The following FGFR2 variants were observed in gnomAD, a reference collection of about 807,000 sequenced individuals.
The protein encoded by FGFR2 is fibroblast growth factor receptor 2, also known as BEK fibroblast growth factor receptor.
A neutral mutation model predicts 95.9 loss-of-function variants in FGFR2; 19 were observed. The ratio of observed to expected loss-of-function variants is 0.20; its 90% CI spans 0.14 to 0.29. The LOEUF (loss-of-function observed/expected upper bound fraction) is 0.29, where lower values mean the gene tolerates loss of function less well. Among genes scored for constraint, FGFR2 ranks in the 10% least tolerant of loss-of-function variants. FGFR2 has a pLI of 1.00. For synonymous variants in FGFR2, 392 were observed against 393.3 expected (o/e 1.00, Z 0.04); for missense variants, 707 against 1,056.9 (o/e 0.67, Z 4.59).
At chr10:121,564,384 A>T (rs1266651823) in intron 4 of FGFR2, 118 bp downstream of exon 4, 2 of 924,758 alleles carry the variant, frequency 2.2e-6, no homozygotes, top group Non-Finnish European at 3.6e-6. Flanking sequence ...ACAGCGGGGA[A>T]AGGCAAGGGC....
intron 15 of FGFR2, among the ~76,000 whole-genome samples, chr10:121,486,921 G>A (rs970405308): frequency 1.3e-5 from 2 of 152,196 alleles, no homozygotes; most frequent in African/African-American, 2.4e-5. Flanking sequence ...GAGGTCCCCA[G>A]CCTGGACCAC....
chr10:121,535,958 A>G (rs1167340933), intron 6 of FGFR2, among the ~76,000 whole-genome samples: 1 of 152,250 alleles, frequency 6.6e-6, no homozygotes, highest in Non-Finnish European at 1.5e-5. Flanking sequence ...CAATCTATGT[A>G]TCATAGAAAC....
rs538841660 is a variant in FGFR2, at chr10:121,513,166, G to A, written c.1287+1951C>T. On this transcript the variant is annotated intron_variant, in intron 9 of 17. Transcript: ENST00000358487. The stretch of plus-strand genomic sequence containing the variant: ...TGGGATTACAGGCGTGAGCCACCAC[G>A]CCCGGCCAGGCTGAATTCTCTTAAA... Among the ~76,000 whole-genome samples, 8 of 152,310 alleles carry A rather than the reference G, an allele frequency of 5.3e-5. 1 individual carries two copies. Among genetic ancestry groups the A allele is most frequent in the African/African-American group, 1.7e-4 (7 of 41,572 alleles).
chr10:121,554,505 ATTTTTTTTT>A (rs11334001), intron 4 of FGFR2, among the ~76,000 whole-genome samples: 2 of 121,960 alleles, frequency 1.6e-5, no homozygotes, highest in African/African-American at 3.0e-5. Context: ...TGCCCGGCTA[ATTTTTTTTT>A]TTTTTTTTTT....
At chr10:121,513,781 C>G (rs1376539770) in intron 9 of FGFR2, among the ~76,000 whole-genome samples, 2 of 152,160 alleles carry the variant, frequency 1.3e-5, no homozygotes, top group Non-Finnish European at 2.9e-5. Context: ...CTACGCTTGA[C>G]ACACACTTTA....
intron 6 of FGFR2, among the ~76,000 whole-genome samples, chr10:121,532,945 C>A (rs916384085): frequency 3.9e-5 from 6 of 152,206 alleles, no homozygotes; most frequent in Non-Finnish European, 7.3e-5. Context: ...TGCTGATCTG[C>A]CGCCATCAAG....
intron 11 of FGFR2, among the ~76,000 whole-genome samples, chr10:121,498,961 G>A (rs182912566): frequency 3.3e-5 from 5 of 152,248 alleles, no homozygotes; most frequent in African/African-American, 4.8e-5. Flanking sequence ...TGAAACCAGC[G>A]AGGAGACCGA....
At chr10:121,534,866 C>T (rs1435728393) in intron 6 of FGFR2, among the ~76,000 whole-genome samples, 1 of 152,164 alleles carries the variant, frequency 6.6e-6, no homozygotes, top group African/African-American at 2.4e-5. Context: ...CCAACTGATG[C>T]CTCGTAACTA....
chr10:121,508,807 T>C (rs747895100), intron 9 of FGFR2, among the ~76,000 whole-genome samples: 20 of 152,244 alleles, frequency 1.3e-4, no homozygotes, highest in Admixed American at 2.6e-4. Flanking sequence ...ACTATAGAAT[T>C]TGATTGCTCT....
At chr10:121,565,763 C>T (rs903477028) in intron 2 of FGFR2, 59 bp from the exon 3 acceptor site, 15 of 1,606,612 alleles carry the variant, frequency 9.3e-6, no homozygotes, top group South Asian at 2.2e-5. Context: ...GAGGAGAGAA[C>T]GTCCAACAAA....
At chr10:121,509,173 A>G (rs1848693153) in intron 9 of FGFR2, among the ~76,000 whole-genome samples, 1 of 152,144 alleles carries the variant, frequency 6.6e-6, no homozygotes, top group Admixed American at 6.5e-5. Flanking sequence ...TTCCTAACCA[A>G]TTTTAACATA....
chr10:121,480,573 T>C (rs1337277367), intron 17 of FGFR2: 1 of 224,280 alleles, frequency 4.5e-6, no homozygotes, highest in Non-Finnish European at 9.0e-6. Flanking sequence ...TGAAGGGGAA[T>C]ACTTCTTCAT....
chr10:121,520,449 T>C (rs1186465453), intron 6 of FGFR2, among the ~76,000 whole-genome samples: 1 of 152,180 alleles, frequency 6.6e-6, no homozygotes, highest in African/African-American at 2.4e-5. Context: ...ACCTGATGAA[T>C]ACGGGAAGAA....
chr10:121,564,395 C>T lies in FGFR2; in HGVS notation c.454+107G>A, dbSNP rs41302307. On this transcript the variant is annotated intron_variant, in intron 4 of 17. Transcript: ENST00000358487. Reference sequence around the variant, plus strand: ...AGACACAGCGGGGAAAGGCAAGGGCCGCGGGACACAGCATGGCGCAGAAGA... The same window carrying T: ...AGACACAGCGGGGAAAGGCAAGGGCTGCGGGACACAGCATGGCGCAGAAGA... 2.6e-3 allele frequency: 2,763 copies of T among 1,049,508 alleles called. 55 individuals carry two copies. The African/African-American group carries it at 0.037, about 14-fold the overall frequency. The allele number at this position is 1,049,508 out of a possible 1,614,324, so 65.0% of individuals were successfully genotyped here.
chr10:121,535,312 T>C (rs181639191), intron 6 of FGFR2, among the ~76,000 whole-genome samples: 213 of 152,346 alleles, frequency 1.4e-3, no homozygotes, highest in African/African-American at 5.0e-3. Context: ...ACAACCATCA[T>C]AGGAATGAGG....
At chr10:121,519,941 C>A (rs1398007309) in intron 7 of FGFR2, 38 bp downstream of exon 7, 1 of 1,606,288 alleles carries the variant, frequency 6.2e-7, no homozygotes, top group African/African-American at 1.3e-5. Flanking sequence ...TGAAGGAGAC[C>A]CCAGTTGTGG....
intron 4 of FGFR2, 113 bp from the exon 5 acceptor site, chr10:121,551,572 T>C: frequency 2.0e-6 from 2 of 992,688 alleles, no homozygotes; most frequent in Non-Finnish European, 1.5e-6. Flanking sequence ...GGCTATTTTT[T>C]AAATCTTTGG....
In FGFR2 at chr10:121,518,483, G is replaced by A. The variant is rs751969559; in HGVS notation, c.940-1020C>T. Among the ~76,000 whole-genome samples, 3 of 152,186 alleles carry A rather than the reference G, an allele frequency of 2.0e-5. No individual in the cohort carries two copies. Among genetic ancestry groups the A allele is most frequent in the Non-Finnish European group, 2.9e-5 (2 of 68,036 alleles). On this transcript the variant is annotated intron_variant, in intron 7 of 17. Coordinates refer to ENST00000358487, the MANE Select transcript of FGFR2 (RefSeq NM_000141.5). The surrounding 1 kb of genome is among the most constrained non-coding windows in gnomAD (Gnocchi z 4.0). Reference sequence around the variant, plus strand: ...TAATCTCTAGAAGAAATTGGAGCAAGCACTTTGAACGTTGTGGGCATTTTT... The same window carrying A: ...TAATCTCTAGAAGAAATTGGAGCAAACACTTTGAACGTTGTGGGCATTTTT...
rs41295619 is a variant in FGFR2 at position 121,501,230 on chromosome 10, T to A, written c.1440-283A>T. 1.1e-4 allele frequency among the ~76,000 whole-genome samples: 17 copies of A among 152,308 alleles called. No homozygotes were observed. In the East Asian group the frequency reaches 2.5e-3, roughly 23 times the overall value. Reference sequence around the variant, plus strand: ...TTGCTAGTGCGGTGGTCAGCTTTCCTAAGTGCCAGAGAAGAGCTTTTGATC... The same window carrying A: ...TTGCTAGTGCGGTGGTCAGCTTTCCAAAGTGCCAGAGAAGAGCTTTTGATC... On this transcript the variant is annotated intron_variant, in intron 10 of 17. Transcript: ENST00000358487.
Sources: gnomAD v4.1 joint callset for allele counts (sites outside exome capture counted in the v4.1 genomes callset) on GRCh38, gnomAD v4.1.1 for gene constraint, Gnocchi (gnomAD v3.1) non-coding constraint, MANE v1.5 for transcripts, NCBI Gene and HGNC (gene_info 2026-07-23, HGNC 2026-07-21) for gene names.